The following SLC31A1 variants were observed in gnomAD, a reference collection of about 807,000 sequenced individuals.
SLC31A1 encodes high affinity copper uptake protein 1.
SLC31A1 carries 5 observed loss-of-function variants against 17.2 expected under a neutral mutation model. The observed-to-expected ratio is 0.29, with a 90% CI of 0.15 to 0.61. The LOEUF is 0.61. Among genes scored for constraint, SLC31A1 ranks in the 20% least tolerant of loss-of-function variants. SLC31A1 has a pLI of 0.86. For missense variants in SLC31A1, 161 were observed against 241.4 expected, an observed-to-expected ratio of 0.67 and a Z score of 2.21; for synonymous variants, 76 against 78.8, an observed-to-expected ratio of 0.96 and a Z score of 0.19.
chr9:113,233,828 C>T (rs1183935410), intron 1 of SLC31A1, among the ~76,000 whole-genome samples: 1 of 152,138 alleles, frequency 6.6e-6, no homozygotes, highest in East Asian at 1.9e-4. Context: ...TTTATGGGCA[C>T]AATAATTAAT....
chr9:113,234,480 ATTTTTTTTTT>A (rs869088669), intron 1 of SLC31A1, among the ~76,000 whole-genome samples: 4 of 60,230 alleles, frequency 6.6e-5, no homozygotes, highest in Admixed American at 4.2e-4. Flanking sequence ...CCTGGCCATC[ATTTTTTTTTT>A]TTTTTTTTTT....
At chr9:113,243,543 A>C (rs1256919932) in intron 1 of SLC31A1, among the ~76,000 whole-genome samples, 2 of 127,660 alleles carry the variant, frequency 1.6e-5, no homozygotes, top group Non-Finnish European at 3.1e-5. Flanking sequence ...ATATCTGGAG[A>C]TAAAGTGTTT....
At chr9:113,251,419 C>A (rs1365945254) in intron 1 of SLC31A1, among the ~76,000 whole-genome samples, 3 of 150,528 alleles carry the variant, frequency 2.0e-5, no homozygotes, top group African/African-American at 7.3e-5. Context: ...GAGACTCTAT[C>A]TAAAAAAATA....
At chr9:113,230,896 G>A (rs922409313) in intron 1 of SLC31A1, among the ~76,000 whole-genome samples, 1 of 151,898 alleles carries the variant, frequency 6.6e-6, no homozygotes, top group Non-Finnish European at 1.5e-5. Context: ...TCTCTTTCTA[G>A]GTACAATAAG....
At chr9:113,251,923 G>A (rs900058095) in intron 1 of SLC31A1, among the ~76,000 whole-genome samples, 11 of 151,990 alleles carry the variant, frequency 7.2e-5, no homozygotes, top group Admixed American at 5.9e-4. Context: ...TACACCATTC[G>A]GTAAGCCTTG....
rs1329665529 is a variant in SLC31A1, at chr9:113,262,290, CCTGTTCTCAGTGA to C, written c.*1818_*1830del. 2.0e-5 allele frequency: 3 copies of C among 152,642 alleles called. No individual in the cohort carries two copies. The highest frequency in any genetic ancestry group is 7.2e-5 in the African/African-American group (3 of 41,456). 9.5% of individuals were successfully genotyped at this position (152,642 alleles called of 1,614,324 possible). A position where few individuals can be genotyped will look rare whatever the true frequency, so the allele number is the denominator to read the frequency against. Reference sequence around the variant, plus strand: ...AATTACATTACAAGTGGCCAAAACCCCTGTTCTCAGTGAAGAACCACATTGGATTTGTATTCTG... The same window carrying C: ...AATTACATTACAAGTGGCCAAAACCCAGAACCACATTGGATTTGTATTCTG... On this transcript the variant is annotated 3_prime_UTR_variant, in exon 5 of 5. Coordinates refer to ENST00000374212, the MANE Select transcript of SLC31A1 (RefSeq NM_001859.4).
intron 1 of SLC31A1, among the ~76,000 whole-genome samples, chr9:113,222,531 A>T (rs1457533385): frequency 6.6e-6 from 1 of 152,166 alleles, no homozygotes; most frequent in Non-Finnish European, 1.5e-5. Context: ...CGTAGCGTCC[A>T]CAGACTCACT....
At chr9:113,247,169 A>G (rs560240892) in intron 1 of SLC31A1, among the ~76,000 whole-genome samples, 240 of 152,332 alleles carry the variant, frequency 1.6e-3, no homozygotes, top group Non-Finnish European at 2.9e-3. Context: ...ACAGTTACCA[A>G]TTATAAGTAA....
At position 113,229,346 on chromosome 9, in the gene SLC31A1, G is replaced by A. The variant is rs1367608675; in HGVS notation, c.-36+7668G>A. Among the ~76,000 whole-genome samples, 4 of 152,188 alleles carry A rather than the reference G, an allele frequency of 2.6e-5. No individual in the cohort carries two copies. In the South Asian group the frequency reaches 6.2e-4, roughly 24 times the overall value. On this transcript the variant is annotated intron_variant, in intron 1 of 4. Coordinates refer to ENST00000374212, the MANE Select transcript of SLC31A1 (RefSeq NM_001859.4). ...CCCAACTCCCCTGCAGATAGTATAG[G>A]TGTATAAAAATAACATGAACATACT...
intron 1 of SLC31A1, among the ~76,000 whole-genome samples, chr9:113,247,334 T>C (rs1193767105): frequency 2.0e-5 from 3 of 152,206 alleles, no homozygotes; most frequent in African/African-American, 7.2e-5. Context: ...AAAAGAACTG[T>C]CCCGGGCTCC....
intron 1 of SLC31A1, among the ~76,000 whole-genome samples, chr9:113,223,411 T>C (rs1831308723): frequency 6.6e-6 from 1 of 152,106 alleles, no homozygotes; most frequent in Non-Finnish European, 1.5e-5. Context: ...TCAGGAAATC[T>C]GAATTCCTGT....
chr9:113,255,361 G>T (rs1831708431), intron 1 of SLC31A1, among the ~76,000 whole-genome samples: 1 of 152,148 alleles, frequency 6.6e-6, no homozygotes. Flanking sequence ...ACCCAAAGAA[G>T]CTGCTTTCCT....
intron 1 of SLC31A1, among the ~76,000 whole-genome samples, chr9:113,251,922 C>T (rs1308963801): frequency 2.0e-5 from 3 of 152,140 alleles, no homozygotes; most frequent in African/African-American, 7.2e-5. Flanking sequence ...ATACACCATT[C>T]GGTAAGCCTT....
At chr9:113,235,349 T>C (rs528211128) in intron 1 of SLC31A1, among the ~76,000 whole-genome samples, 1 of 152,336 alleles carries the variant, frequency 6.6e-6, no homozygotes, top group East Asian at 1.9e-4. Flanking sequence ...TGACCAATCT[T>C]GGGGAGGGAA....
chr9:113,236,553 A>G lies in SLC31A1; in HGVS notation c.-36+14875A>G, dbSNP rs1354085507. On this transcript the variant is annotated intron_variant, in intron 1 of 4. Coordinates refer to ENST00000374212, the MANE Select transcript of SLC31A1 (RefSeq NM_001859.4). The stretch of plus-strand genomic sequence containing the variant: ...TAATTTTTGTATTTTTAGTAGAGAC[A>G]GGGTTTCACCGTGTTAGCCAGGATG... 3.3e-5 allele frequency among the ~76,000 whole-genome samples: 5 copies of G among 151,602 alleles called. No homozygotes were observed. In the East Asian group the frequency reaches 5.9e-4, roughly 18 times the overall value.
chr9:113,245,303 T>G (rs7038769), intron 1 of SLC31A1, among the ~76,000 whole-genome samples: 71,520 of 151,888 alleles, frequency 0.47, 17,154 homozygotes, highest in South Asian at 0.59. Flanking sequence ...GGCCAGGCAG[T>G]TCTCAAACTC....
At chr9:113,236,562 C>G (rs1831463246) in intron 1 of SLC31A1, among the ~76,000 whole-genome samples, 1 of 151,600 alleles carries the variant, frequency 6.6e-6, no homozygotes. Context: ...CAGGGTTTCA[C>G]CGTGTTAGCC....
intron 1 of SLC31A1, among the ~76,000 whole-genome samples, chr9:113,254,064 C>T (rs1198691755): frequency 2.1e-5 from 3 of 144,620 alleles, no homozygotes; most frequent in Non-Finnish European, 4.5e-5. Flanking sequence ...AAGTGATTCT[C>T]ATGCCTCAGC....
At chr9:113,260,204 TC>T in intron 4 of SLC31A1, 67 bp from the exon 5 acceptor site, 4 of 1,391,772 alleles carry the variant, frequency 2.9e-6, no homozygotes, top group Non-Finnish European at 4.1e-6. Context: ...CAAGAACTCT[TC>T]CCTCTTTCTC....
Sources: allele counts gnomAD v4.1 joint callset (sites outside exome capture counted in the v4.1 genomes callset), GRCh38; gene constraint gnomAD v4.1.1; transcripts MANE v1.5; gene names NCBI Gene and HGNC (gene_info 2026-07-23, HGNC 2026-07-21).